Variants in BTF3L4 observed in about 807,000 individuals in gnomAD.
BTF3L4 encodes the protein transcription factor BTF3 homolog 4.
Under a neutral mutation model 16.8 loss-of-function variants are expected in BTF3L4, and 6 were observed. That is an observed-to-expected ratio of 0.36 (90% CI 0.20 to 0.71). The LOEUF (loss-of-function observed/expected upper bound fraction) is 0.71. Among genes scored for constraint, BTF3L4 ranks in the 30% least tolerant of loss-of-function variants. The probability of loss-of-function intolerance (pLI) is 0.58; values close to 1 mark genes in which losing one functional copy is unlikely to be tolerated. For missense variants in BTF3L4, 92 were observed against 186.9 expected, an observed-to-expected ratio of 0.49 and a Z score of 2.96; for synonymous variants, 39 against 59.8, an observed-to-expected ratio of 0.65 and a Z score of 1.60.
At position 52,082,603 on chromosome 1, in the gene BTF3L4, C is replaced by T. The variant is rs189139730; in HGVS notation, c.169-737C>T. On this transcript the variant is annotated intron_variant, in intron 3 of 5. Coordinates refer to ENST00000313334, the MANE Select transcript of BTF3L4 (RefSeq NM_152265.5). ...TACAAAAATTAGCTGGGCATAGTGG[C>T]ATGTGCCTCTCATCTCAGCTACCAG... 4.2e-3 allele frequency among the ~76,000 whole-genome samples: 646 copies of T among 152,080 alleles called. 5 individuals carry two copies. Among genetic ancestry groups the T allele is most frequent in the Non-Finnish European group, 6.8e-3 (459 of 67,976 alleles).
At chr1:52,066,250 G>A (rs1226998260) in intron 3 of BTF3L4, among the ~76,000 whole-genome samples, 1 of 151,976 alleles carries the variant, frequency 6.6e-6, no homozygotes, top group Non-Finnish European at 1.5e-5. Flanking sequence ...CTAGAGTGCA[G>A]TGGTGTGATC....
intron 3 of BTF3L4, among the ~76,000 whole-genome samples, chr1:52,079,093 A>G (rs544961195): frequency 3.3e-5 from 5 of 152,326 alleles, no homozygotes; most frequent in African/African-American, 1.2e-4. Flanking sequence ...TTTACCCAAA[A>G]TGGTAGGAGA....
At chr1:52,075,858 T>G (rs1572028667) in intron 3 of BTF3L4, among the ~76,000 whole-genome samples, 1 of 151,088 alleles carries the variant, frequency 6.6e-6, no homozygotes. Context: ...AGAGACGGGG[T>G]TTTATCATGT....
chr1:52,080,116 C>T (rs1400450242), intron 3 of BTF3L4, among the ~76,000 whole-genome samples: 1 of 152,098 alleles, frequency 6.6e-6, no homozygotes, highest in African/African-American at 2.4e-5. Context: ...AGGTGATCCA[C>T]CCGCCTCAGC....
Position 52,090,469 on chromosome 1 carries a change from T to C in BTF3L4, c.*3711T>C, listed in dbSNP as rs1041560414. ...TAGAGTTTGCCTGAATTATTATAGCTTTCTTAATAGTTTTGTTTATGATCC... is the reference window on the plus strand; with the variant it reads ...TAGAGTTTGCCTGAATTATTATAGCCTTCTTAATAGTTTTGTTTATGATCC... On this transcript the variant is annotated 3_prime_UTR_variant, in exon 6 of 6. Coordinates refer to ENST00000313334, the MANE Select transcript of BTF3L4 (RefSeq NM_152265.5). 9.2e-5 allele frequency: 14 copies of C among 152,182 alleles called. No homozygotes were observed. The highest frequency in any genetic ancestry group is 2.9e-5 in the Non-Finnish European group (2 of 68,042). 9.4% of individuals were successfully genotyped at this position (152,182 alleles called of 1,614,324 possible).
intron 2 of BTF3L4, among the ~76,000 whole-genome samples, chr1:52,060,183 CT>C (rs1454052824): frequency 1.3e-5 from 2 of 152,152 alleles, no homozygotes; most frequent in African/African-American, 4.8e-5. Context: ...CTTCCACTTT[CT>C]TATCTGCAAA....
chr1:52,081,741 A>G (rs1416595233), intron 3 of BTF3L4, among the ~76,000 whole-genome samples: 1 of 152,236 alleles, frequency 6.6e-6, no homozygotes, highest in Non-Finnish European at 1.5e-5. Flanking sequence ...CCTAAGTGTA[A>G]TAGTGAGAGA....
intron 3 of BTF3L4, among the ~76,000 whole-genome samples, chr1:52,070,050 C>G (rs1686745017): frequency 6.6e-6 from 1 of 152,026 alleles, no homozygotes; most frequent in African/African-American, 2.4e-5. Flanking sequence ...AACACTGTCT[C>G]TACTAAAAAT....
At chr1:52,067,591 A>G (rs1436359754) in intron 3 of BTF3L4, among the ~76,000 whole-genome samples, 2 of 152,238 alleles carry the variant, frequency 1.3e-5, no homozygotes, top group Non-Finnish European at 2.9e-5. Context: ...AATCTTAGAT[A>G]CATATTAGAA....
intron 3 of BTF3L4, among the ~76,000 whole-genome samples, chr1:52,075,595 T>C (rs1399938529): frequency 6.8e-6 from 1 of 147,280 alleles, no homozygotes; most frequent in Non-Finnish European, 1.5e-5. Context: ...ATATATAAAT[T>C]ATAGTAATTA....
intron 3 of BTF3L4, among the ~76,000 whole-genome samples, chr1:52,078,048 G>C (rs1686974765): frequency 6.6e-6 from 1 of 152,080 alleles, no homozygotes; most frequent in Non-Finnish European, 1.5e-5. Flanking sequence ...CATTTGGGGA[G>C]TTGGTCTGAC....
Position 52,060,617 on chromosome 1 carries a change from C to T in BTF3L4, c.54+716C>T. 4.5e-6 allele frequency: 5 copies of T among 1,105,208 alleles called. No homozygotes were observed. The South Asian group carries it at 8.6e-5, about 19-fold the overall frequency. The allele number at this position is 1,105,208 out of a possible 1,614,324, so 68.5% of individuals were successfully genotyped here. A position where few individuals can be genotyped will look rare whatever the true frequency, so the allele number is the denominator to read the frequency against. On this transcript the variant is annotated intron_variant, in intron 2 of 5. Transcript: ENST00000313334. ...ATATCTCTGCCCAACACAATCTTTG[C>T]AAAAGTGAAAGAAAGAATAGTACTT...
intron 1 of BTF3L4, among the ~76,000 whole-genome samples, chr1:52,058,063 TGTTAGTTCACTACACTCTC>T (rs1205122742): frequency 1.3e-5 from 2 of 152,182 alleles, no homozygotes; most frequent in African/African-American, 4.8e-5. Context: ...TTTGGCTCTT[TGTTAGTTCACTACACTCTC>T]ATGGCCACAT....
chr1:52,060,487 T>G (rs1042250358), intron 2 of BTF3L4: 1 of 1,269,532 alleles, frequency 7.9e-7, no homozygotes, highest in African/African-American at 1.5e-5. Context: ...ATCAGCTTTC[T>G]TATTCCCTGT....
At chr1:52,081,742 TAGTG>T (rs956823568) in intron 3 of BTF3L4, among the ~76,000 whole-genome samples, 2 of 152,184 alleles carry the variant, frequency 1.3e-5, no homozygotes, top group African/African-American at 4.8e-5. Flanking sequence ...CTAAGTGTAA[TAGTG>T]AGAGAGGGAA....
At chr1:52,057,888 G>C (rs115217066) in intron 1 of BTF3L4, among the ~76,000 whole-genome samples, 1 of 152,124 alleles carries the variant, frequency 6.6e-6, no homozygotes, top group Admixed American at 6.5e-5. Context: ...AGTTAATTTT[G>C]TTCTTGCTTT....
chr1:52,080,936 T>C (rs1643914382), intron 3 of BTF3L4, among the ~76,000 whole-genome samples: 1 of 151,264 alleles, frequency 6.6e-6, no homozygotes, highest in Non-Finnish European at 1.5e-5. Context: ...GACTCCCTGG[T>C]TCAAGTGATT....
intron 4 of BTF3L4, 108 bp downstream of exon 4, chr1:52,083,649 T>A: frequency 1.2e-6 from 1 of 855,248 alleles, no homozygotes. Flanking sequence ...GTAATTATTT[T>A]ACTTTCTATA....
At chr1:52,067,106 C>T (rs960678045) in intron 3 of BTF3L4, among the ~76,000 whole-genome samples, 32 of 150,978 alleles carry the variant, frequency 2.1e-4, no homozygotes, top group African/African-American at 7.8e-4. Context: ...CATGGTAGTG[C>T]GTGCCTGTAA....
Sources: allele counts gnomAD v4.1 joint callset (sites outside exome capture counted in the v4.1 genomes callset), GRCh38; gene constraint gnomAD v4.1.1; transcripts MANE v1.5; gene names NCBI Gene and HGNC (gene_info 2026-07-23, HGNC 2026-07-21).